The following NEK10 variants were observed in gnomAD, a reference collection of about 807,000 sequenced individuals.
NEK10 encodes the protein serine/threonine-protein kinase Nek10.
In NEK10, 122 loss-of-function variants were observed where a neutral mutation model predicts 159.8. The observed-to-expected ratio is 0.76, with a 90% CI of 0.66 to 0.89. NEK10 has a LOEUF of 0.89. Among genes scored for constraint, NEK10 ranks in the 40% least tolerant of loss-of-function variants. The probability of loss-of-function intolerance (pLI) is 0.00; values close to 1 mark genes in which losing one functional copy is unlikely to be tolerated. For missense variants in NEK10, 1,342 were observed against 1,323.1 expected (o/e 1.01, Z -0.22); for synonymous variants, 466 against 457.1 (o/e 1.02, Z -0.25).
chr3:27,197,805 T>C (rs1419540311), intron 25 of NEK10, among the ~76,000 whole-genome samples: 2 of 152,142 alleles, frequency 1.3e-5, no homozygotes, highest in Non-Finnish European at 2.9e-5. Flanking sequence ...TCTTTTTTTT[T>C]TTTTATTATA....
At chr3:27,164,788 A>C (rs1946334107) in intron 29 of NEK10, among the ~76,000 whole-genome samples, 1 of 152,232 alleles carries the variant, frequency 6.6e-6, no homozygotes, top group Non-Finnish European at 1.5e-5. Flanking sequence ...ATAAAAATGC[A>C]ACTTGTGGCA....
At chr3:27,243,441 C>T (rs1388366154) in intron 23 of NEK10, among the ~76,000 whole-genome samples, 1 of 151,578 alleles carries the variant, frequency 6.6e-6, no homozygotes, top group African/African-American at 2.4e-5. Flanking sequence ...TTCATATTTC[C>T]CCATTGTTTG....
chr3:27,168,286 A>G (rs762160498), intron 29 of NEK10, among the ~76,000 whole-genome samples: 9 of 151,788 alleles, frequency 5.9e-5, no homozygotes, highest in Non-Finnish European at 8.8e-5. Flanking sequence ...AAAACCCTCT[A>G]CAGGCTTGAT....
chr3:27,231,285 A>T (rs1395192563), intron 23 of NEK10, among the ~76,000 whole-genome samples: 1 of 151,984 alleles, frequency 6.6e-6, no homozygotes, highest in East Asian at 1.9e-4. Context: ...AAATTTAAAA[A>T]TTATTTGAAA....
At chr3:27,125,872 A>T (rs536911525) in intron 32 of NEK10, among the ~76,000 whole-genome samples, 1 of 152,262 alleles carries the variant, frequency 6.6e-6, no homozygotes, top group Admixed American at 6.5e-5. Flanking sequence ...CCACTGTTCT[A>T]CACTACTTAC....
At chr3:27,183,608 T>G (rs950622715) in intron 26 of NEK10, among the ~76,000 whole-genome samples, 1 of 152,002 alleles carries the variant, frequency 6.6e-6, no homozygotes, top group Non-Finnish European at 1.5e-5. Flanking sequence ...AATTTTCTGT[T>G]TATCCAAAAA....
At chr3:27,354,529 A>T (rs535413476) in intron 1 of NEK10, among the ~76,000 whole-genome samples, 1 of 152,318 alleles carries the variant, frequency 6.6e-6, no homozygotes, top group East Asian at 1.9e-4. Context: ...ATGGCTGCTT[A>T]AATGGAGATA....
At chr3:27,271,845 C>T (rs2149399522) in intron 22 of NEK10, among the ~76,000 whole-genome samples, 1 of 143,950 alleles carries the variant, frequency 6.9e-6, no homozygotes, top group East Asian at 2.0e-4. Flanking sequence ...TTGCATACAG[C>T]ACATTATGAA....
At chr3:27,230,057 G>A (rs1205838161) in intron 23 of NEK10, among the ~76,000 whole-genome samples, 1 of 152,060 alleles carries the variant, frequency 6.6e-6, no homozygotes, top group Non-Finnish European at 1.5e-5. Context: ...CATCACAAAA[G>A]CACATAGTTA....
chr3:27,189,661 C>T (rs1948945911), intron 26 of NEK10, among the ~76,000 whole-genome samples: 1 of 152,050 alleles, frequency 6.6e-6, no homozygotes, highest in Admixed American at 6.6e-5. Context: ...TTGGTCCCCA[C>T]TGAGAAAAAT....
intron 30 of NEK10, among the ~76,000 whole-genome samples, chr3:27,144,309 A>T (rs1255575193): frequency 6.6e-6 from 1 of 152,210 alleles, no homozygotes; most frequent in Non-Finnish European, 1.5e-5. Context: ...TGTAGTTTAC[A>T]CAGCCACTTC....
At chr3:27,170,294 C>A (rs1946839950) in intron 29 of NEK10, among the ~76,000 whole-genome samples, 1 of 152,176 alleles carries the variant, frequency 6.6e-6, no homozygotes, top group Non-Finnish European at 1.5e-5. Flanking sequence ...CAACAGGTGC[C>A]CCAGCCTCAG....
At chr3:27,170,107 T>C (rs937478192) in intron 29 of NEK10, among the ~76,000 whole-genome samples, 2 of 152,164 alleles carry the variant, frequency 1.3e-5, no homozygotes, top group Non-Finnish European at 2.9e-5. Flanking sequence ...AAGAACCCCC[T>C]GTCACATAAG....
Position 27,278,949 on chromosome 3 carries a change from G to A in NEK10, c.2014+5653C>T, listed in dbSNP as rs568121755. On this transcript the variant is annotated intron_variant, in intron 22 of 35. Transcript: ENST00000691995. ...TCTGTTTCCTTGGATGGTTTCAAAGGCTGCAAATAAATGGAGAACAAGACC... is the reference window on the plus strand; with the variant it reads ...TCTGTTTCCTTGGATGGTTTCAAAGACTGCAAATAAATGGAGAACAAGACC... 40 of 983,492 alleles carry A rather than the reference G, an allele frequency of 4.1e-5. 1 individual carries two copies. In the South Asian group the frequency reaches 1.6e-3, roughly 39 times the overall value. The allele number at this position is 983,492 out of a possible 1,614,324, so 60.9% of individuals were successfully genotyped here. A position where few individuals can be genotyped will look rare whatever the true frequency, so the allele number is the denominator to read the frequency against.
chr3:27,313,573 G>T (rs1042609148), intron 7 of NEK10, among the ~76,000 whole-genome samples: 1 of 152,146 alleles, frequency 6.6e-6, no homozygotes, highest in Non-Finnish European at 1.5e-5. Flanking sequence ...CAGGAGGATT[G>T]CTTGGGCCCA....
intron 23 of NEK10, among the ~76,000 whole-genome samples, chr3:27,217,203 T>C (rs1951625585): frequency 6.6e-6 from 1 of 152,150 alleles, no homozygotes; most frequent in South Asian, 2.1e-4. Flanking sequence ...ATATCATGAT[T>C]TACTTTCCAA....
chr3:27,288,081 A>G (rs1480181128), intron 19 of NEK10, among the ~76,000 whole-genome samples: 1 of 152,218 alleles, frequency 6.6e-6, no homozygotes, highest in Non-Finnish European at 1.5e-5. Flanking sequence ...CCCGACACAC[A>G]GACTGTATAA....
chr3:27,284,760 A>G, intron 21 of NEK10, 56 bp from the exon 22 acceptor site: 1 of 1,522,740 alleles, frequency 6.6e-7, no homozygotes, highest in Non-Finnish European at 9.1e-7. Flanking sequence ...ATATAGCCAA[A>G]GATGACTACT....
intron 23 of NEK10, among the ~76,000 whole-genome samples, chr3:27,208,982 G>A (rs1950767370): frequency 6.6e-6 from 1 of 152,174 alleles, no homozygotes; most frequent in Non-Finnish European, 1.5e-5. Context: ...AAGAGAATTA[G>A]ATGACACATT....
Sources: gnomAD v4.1 joint callset for allele counts (sites outside exome capture counted in the v4.1 genomes callset) on GRCh38, gnomAD v4.1.1 for gene constraint, MANE v1.5 for transcripts, NCBI Gene and HGNC (gene_info 2026-07-23, HGNC 2026-07-21) for gene names.